COX6B1: variants seen among roughly 807,000 people sequenced by gnomAD.
COX6B1 encodes the protein cytochrome c oxidase subunit 6B1.
Under a neutral mutation model 14.0 loss-of-function variants are expected in COX6B1, and 2 were observed. The observed-to-expected ratio is 0.14, with a 90% CI of 0.06 to 0.45. The LOEUF (loss-of-function observed/expected upper bound fraction) is 0.45, where lower values mean the gene tolerates loss of function less well. COX6B1 is among the 20% of genes least tolerant of loss of function. The pLI, the probability that COX6B1 is intolerant of heterozygous loss-of-function variation, is 0.98. For missense variants in COX6B1, 81 were observed against 114.2 expected (o/e 0.71, Z 1.33); for synonymous variants, 30 against 39.7 (o/e 0.76, Z 0.92).
chr19:35,658,485 A>G, intron 3 of COX6B1, 109 bp from the exon 4 acceptor site: 6 of 908,512 alleles, frequency 6.6e-6, no homozygotes. Context: ...GGCACACAGC[A>G]GGTACCTGTG....
chr19:35,650,238 A>G (rs928576365), intron 1 of COX6B1, among the ~76,000 whole-genome samples: 14 of 152,112 alleles, frequency 9.2e-5, no homozygotes, highest in Admixed American at 8.5e-4. Flanking sequence ...TCCTGACCTC[A>G]GGTGATCCAC....
intron 1 of COX6B1, among the ~76,000 whole-genome samples, chr19:35,650,716 A>T (rs1568342139): frequency 6.6e-6 from 1 of 151,894 alleles, no homozygotes; most frequent in Non-Finnish European, 1.5e-5. Context: ...AAAGAAAAAA[A>T]AAAACATTCA....
intron 2 of COX6B1, among the ~76,000 whole-genome samples, chr19:35,652,998 T>A (rs896271289): frequency 3.1e-4 from 44 of 142,658 alleles, no homozygotes; most frequent in African/African-American, 1.1e-3. Flanking sequence ...AGACGGAGTC[T>A]CGCTTTGTCG....
chr19:35,649,859 C>T (rs879858640), intron 1 of COX6B1, among the ~76,000 whole-genome samples: 4 of 150,802 alleles, frequency 2.7e-5, no homozygotes, highest in Admixed American at 2.0e-4. Context: ...TGGGCTCAAG[C>T]GATCCTCCCA....
chr19:35,657,423 C>T (rs549006269), intron 3 of COX6B1, among the ~76,000 whole-genome samples: 306 of 152,208 alleles, frequency 2.0e-3, no homozygotes, highest in Non-Finnish European at 3.0e-3. Context: ...GCTTGTCTCG[C>T]TCACCTGCCA....
chr19:35,650,459 C>T (rs1293789736), intron 1 of COX6B1, among the ~76,000 whole-genome samples: 1 of 152,030 alleles, frequency 6.6e-6, no homozygotes, highest in African/African-American at 2.4e-5. Context: ...GTTCTGTAAT[C>T]TCAACATTTT....
In COX6B1 at chr19:35,648,367, C is replaced by T. The variant is rs1236378107; in HGVS notation, c.-48C>T. ...CGACTGTGGTGTCTTTGCTGAGGGT[C>T]ACATTGAGCTGCAGGTTGAATCCGG... On this transcript the variant is annotated 5_prime_UTR_variant, in exon 1 of 4. Coordinates refer to ENST00000649813, the MANE Select transcript of COX6B1 (RefSeq NM_001863.5). 6.4e-6 allele frequency: 1 copy of T among 156,130 alleles called. No homozygotes were observed. 9.7% of individuals were successfully genotyped at this position (156,130 alleles called of 1,614,324 possible).
intron 3 of COX6B1, among the ~76,000 whole-genome samples, chr19:35,657,780 C>G (rs1024399705): frequency 6.6e-6 from 1 of 151,544 alleles, no homozygotes; most frequent in African/African-American, 2.4e-5. Flanking sequence ...CCTCAGCCTC[C>G]CTAGTAGCTG....
chr19:35,654,521 AAT>A, intron 2 of COX6B1, 48 bp from the exon 3 acceptor site: 1 of 1,558,312 alleles, frequency 6.4e-7, no homozygotes, highest in South Asian at 1.1e-5. Flanking sequence ...AAAAAAAAAA[AAT>A]GTGTTCCAAC....
intron 3 of COX6B1, 26 bp from the exon 4 acceptor site, chr19:35,658,568 G>A (rs1967912348): frequency 6.2e-7 from 1 of 1,606,694 alleles, no homozygotes; most frequent in African/African-American, 1.3e-5. Context: ...CCCCACTGCG[G>A]AGGGAATAAC....
intron 2 of COX6B1, 129 bp downstream of exon 2, chr19:35,651,478 C>A: frequency 1.4e-6 from 1 of 728,782 alleles, no homozygotes; most frequent in Non-Finnish European, 2.5e-6. Flanking sequence ...CCATGCCTCT[C>A]ATCACCTGCT....
chr19:35,658,712 T>C lies in COX6B1; in HGVS notation c.*65T>C, dbSNP rs1967914124. 7.1e-7 allele frequency: 1 copy of C among 1,414,722 alleles called. No homozygotes were observed. The allele number at this position is 1,414,722 out of a possible 1,614,324, so 87.6% of individuals were successfully genotyped here. On this transcript the variant is annotated 3_prime_UTR_variant, in exon 4 of 4. Coordinates refer to ENST00000649813, the MANE Select transcript of COX6B1 (RefSeq NM_001863.5). The stretch of plus-strand genomic sequence containing the variant: ...CCCAGGATGGTGAAGGGGGACCTGG[T>C]ACCCAGTGATCCCCACCCCAGGATC...
At chr19:35,654,718 A>T (rs2146372251) in intron 3 of COX6B1, 47 bp downstream of exon 3, 2 of 1,551,944 alleles carry the variant, frequency 1.3e-6, no homozygotes, top group Middle Eastern at 1.7e-4. Flanking sequence ...GTGGGGTCTT[A>T]GCAGAGGGGA....
chr19:35,654,452 G>C, intron 2 of COX6B1, 119 bp from the exon 3 acceptor site: 1 of 818,718 alleles, frequency 1.2e-6, no homozygotes, highest in Non-Finnish European at 2.1e-6. Flanking sequence ...AGGTTGCAGT[G>C]AGCTGAGATC....
At chr19:35,655,478 A>G (rs946739857) in intron 3 of COX6B1, among the ~76,000 whole-genome samples, 4 of 152,178 alleles carry the variant, frequency 2.6e-5, no homozygotes, top group Non-Finnish European at 5.9e-5. Flanking sequence ...TTCTAAAGCA[A>G]GTCCCAGACA....
At chr19:35,654,357 T>G (rs576741133) in intron 2 of COX6B1, among the ~76,000 whole-genome samples, 1 of 152,218 alleles carries the variant, frequency 6.6e-6, no homozygotes, top group South Asian at 2.1e-4. Context: ...ATACAAAAAT[T>G]AGCTGGGCAT....
chr19:35,650,764 T>C (rs143963725), intron 1 of COX6B1, among the ~76,000 whole-genome samples: 1 of 151,322 alleles, frequency 6.6e-6, no homozygotes, highest in East Asian at 1.9e-4. Context: ...TGCTGAGGAG[T>C]TTGTGGCACC....
intron 2 of COX6B1, among the ~76,000 whole-genome samples, chr19:35,653,352 A>G (rs996933617): frequency 6.7e-6 from 1 of 149,664 alleles, no homozygotes; most frequent in Non-Finnish European, 1.5e-5. Flanking sequence ...GGCTCACTGC[A>G]ACCTCCGCCT....
chr19:35,651,257 T>A lies in COX6B1; in HGVS notation c.14T>A (p.Met5Lys). ...GGATTCAGCACCATGGCGGAAGACA[T>A]GGAGACCAAAATCAAGAACTACAAG... MAED[M>K]ETKIKNYKTA... Residue 5 changes from methionine (M) to lysine (K), a missense_variant, in exon 2 of 4, where the codon ATG (methionine) becomes AAG (lysine). Met to Lys is a moderately conservative substitution (Grantham distance 95, BLOSUM62 -1). Coordinates refer to ENST00000649813, the MANE Select transcript of COX6B1 (RefSeq NM_001863.5). 6.2e-7 allele frequency: 1 copy of A among 1,613,932 alleles called. No homozygotes were observed. The highest frequency in any genetic ancestry group is 8.5e-7 in the Non-Finnish European group (1 of 1,179,884).
Sources: allele counts gnomAD v4.1 joint callset (sites outside exome capture counted in the v4.1 genomes callset), GRCh38; gene constraint gnomAD v4.1.1; transcripts MANE v1.5; gene names NCBI Gene and HGNC (gene_info 2026-07-23, HGNC 2026-07-21).